The following ARHGEF9 variants were observed in gnomAD, a reference collection of about 807,000 sequenced individuals.
ARHGEF9 encodes rho guanine nucleotide exchange factor 9.
Under a neutral mutation model 41.3 loss-of-function variants are expected in ARHGEF9, and 2 were observed. The ratio of observed to expected loss-of-function variants is 0.05; its 90% CI spans 0.02 to 0.15. ARHGEF9 has a LOEUF of 0.15. Ranked by LOEUF, ARHGEF9 falls within the 10% of genes least tolerant of loss-of-function variation. The probability of loss-of-function intolerance (pLI) is 1.00; values close to 1 mark genes in which losing one functional copy is unlikely to be tolerated. For missense variants in ARHGEF9, 225 were observed against 424.7 expected, an observed-to-expected ratio of 0.53 and a Z score of 4.13; for synonymous variants, 160 against 154.4, an observed-to-expected ratio of 1.04 and a Z score of -0.27.
At chrX:63,657,055 C>G (rs1441197185) in intron 7 of ARHGEF9, 1 of 111,721 alleles carries the variant, frequency 9.0e-6, no homozygotes, top group Non-Finnish European at 1.9e-5. Context: ...CCTCTGAGAA[C>G]ACATCCACTG....
At chrX:63,776,979 C>A (rs1242671079) in intron 1 of ARHGEF9, among the ~76,000 whole-genome samples, 2 of 111,871 alleles carry the variant, frequency 1.8e-5, no homozygotes, top group Non-Finnish European at 3.8e-5. Context: ...GACTGTACTA[C>A]TGTACTAGTC....
chrX:63,646,158 A>G (rs1569426199), intron 8 of ARHGEF9, among the ~76,000 whole-genome samples: 1 of 110,380 alleles, frequency 9.1e-6, no homozygotes, highest in Non-Finnish European at 1.9e-5. Context: ...GATTGCAAAA[A>G]TTTTCTCCCA....
chrX:63,779,968 T>G (rs2056355309), intron 1 of ARHGEF9, among the ~76,000 whole-genome samples: 1 of 112,093 alleles, frequency 8.9e-6, no homozygotes, highest in South Asian at 3.7e-4. Context: ...GCAGCAGCCA[T>G]GTGACACAGT....
chrX:63,679,356 ACT>A (rs1164849546), intron 4 of ARHGEF9, among the ~76,000 whole-genome samples: 1 of 111,434 alleles, frequency 9.0e-6, no homozygotes, highest in African/African-American at 3.3e-5. Context: ...TTTTAAAAAA[ACT>A]CTATAATTTT....
chrX:63,751,316 G>T (rs1364817033), intron 1 of ARHGEF9, among the ~76,000 whole-genome samples: 1 of 111,410 alleles, frequency 9.0e-6, no homozygotes, highest in African/African-American at 3.3e-5. Flanking sequence ...GAAAGATTAA[G>T]AGAGAAGGCA....
intron 1 of ARHGEF9, chrX:63,766,932 C>T: frequency 2.2e-6 from 1 of 447,866 alleles, no homozygotes; most frequent in East Asian, 4.3e-5. Flanking sequence ...AGGAACTGCT[C>T]ACAGAAAGAA....
rs2047280917 is a variant in ARHGEF9 at position 63,635,604 on chromosome X, A to G, written c.*2424T>C. ...GGAAATGATTTCTTGTTGTTCACAA[A>G]TTAGTGGCATCAGGTGATGCCAGTG... On this transcript the variant is annotated 3_prime_UTR_variant, in exon 10 of 10. Transcript: ENST00000671741. The G allele has an allele frequency of 5.0e-6, 2 of 402,433 alleles. No homozygotes were observed. The highest frequency in any genetic ancestry group is 1.0e-4 in the Admixed American group (2 of 19,963). The allele number at this position is 402,433 out of a possible 1,213,427, so 33.2% of individuals were successfully genotyped here.
chrX:63,664,749 A>T (rs189188815), intron 7 of ARHGEF9, among the ~76,000 whole-genome samples: 1 of 112,334 alleles, frequency 8.9e-6, no homozygotes, highest in African/African-American at 3.2e-5. Flanking sequence ...GTGGACATTC[A>T]GAGCTTATCA....
At position 63,638,183 on chromosome X, in the gene ARHGEF9, G is replaced by A. The variant is rs2147114796; in HGVS notation, c.1417C>T (p.Pro473Ser). Residue 473 changes from proline to serine, a missense_variant, in exon 10 of 10, where the codon CCT (proline) becomes TCT (serine). Physicochemically the swap from Pro to Ser is moderately conservative, Grantham distance 74. Transcript: ENST00000671741. ...KGVNSARSVP[P>S]SYPPPQDPLN... ...GGGTCCTGCGGTGGTGGGTAGGAAG[G>A]AGGAACTGAGCGGGCAGAGTTGACA... is the stretch of plus-strand genomic sequence containing the variant. 8.4e-7 allele frequency: 1 copy of A among 1,193,033 alleles called. No individual in the cohort carries two copies. The highest frequency in any genetic ancestry group is 2.3e-5 in the Admixed American group (1 of 43,133).
intron 7 of ARHGEF9, among the ~76,000 whole-genome samples, chrX:63,661,867 C>T (rs1233525400): frequency 7.1e-5 from 8 of 111,947 alleles, no homozygotes; most frequent in Non-Finnish European, 1.3e-4. Context: ...ACAAAACAGG[C>T]ACATTGTTGC....
intron 4 of ARHGEF9, among the ~76,000 whole-genome samples, chrX:63,681,947 T>C (rs1282362218): frequency 9.1e-6 from 1 of 110,268 alleles, no homozygotes; most frequent in African/African-American, 3.3e-5. Context: ...AATATATTCC[T>C]AGAAATATAA....
chrX:63,658,916 G>C (rs2049044972), intron 7 of ARHGEF9, among the ~76,000 whole-genome samples: 1 of 111,480 alleles, frequency 9.0e-6, no homozygotes, highest in African/African-American at 3.3e-5. Flanking sequence ...CTGCTCTCTG[G>C]CCCAACTATG....
intron 6 of ARHGEF9, among the ~76,000 whole-genome samples, chrX:63,666,419 C>T (rs1172169405): frequency 1.2e-4 from 10 of 84,333 alleles, no homozygotes; most frequent in East Asian, 7.7e-4. Context: ...TATATATATA[C>T]ACACACACAC....
chrX:63,723,388 A>G (rs1157529757), intron 2 of ARHGEF9, among the ~76,000 whole-genome samples: 1 of 111,397 alleles, frequency 9.0e-6, no homozygotes, highest in African/African-American at 3.3e-5. Context: ...TCACATTGCC[A>G]TAATTCTAAT....
At chrX:63,752,321 G>GA (rs1422191104) in intron 1 of ARHGEF9, among the ~76,000 whole-genome samples, 1 of 107,768 alleles carries the variant, frequency 9.3e-6, no homozygotes, top group Non-Finnish European at 1.9e-5. Context: ...CACCGAGGAG[G>GA]AAAAAAATTG....
At chrX:63,754,176 C>A in intron 1 of ARHGEF9, 1 of 757,569 alleles carries the variant, frequency 1.3e-6, no homozygotes, top group Non-Finnish European at 2.0e-6. Context: ...TAAAAATGCA[C>A]ACACGCATGC....
At chrX:63,767,480 A>G (rs1183893857) in intron 1 of ARHGEF9, 2 of 278,722 alleles carry the variant, frequency 7.2e-6, no homozygotes, top group East Asian at 1.7e-4. Context: ...AGCCCCTTGG[A>G]CACTGCAGCT....
At chrX:63,662,388 C>T (rs1257094680) in intron 7 of ARHGEF9, among the ~76,000 whole-genome samples, 1 of 111,827 alleles carries the variant, frequency 8.9e-6, no homozygotes, top group Non-Finnish European at 1.9e-5. Context: ...GTGCAATCCT[C>T]CTATTAACTA....
chrX:63,781,731 A>G (rs192708142), intron 1 of ARHGEF9, among the ~76,000 whole-genome samples: 1 of 111,706 alleles, frequency 9.0e-6, no homozygotes, highest in African/African-American at 3.3e-5. Context: ...CATGTCCCTC[A>G]TCTGTTCAAA....
Sources: allele counts gnomAD v4.1 joint callset (sites outside exome capture counted in the v4.1 genomes callset), GRCh38; gene constraint gnomAD v4.1.1; transcripts MANE v1.5; gene names NCBI Gene and HGNC (gene_info 2026-07-23, HGNC 2026-07-21).